The following METTL6 variants were observed in gnomAD, a reference collection of about 807,000 sequenced individuals.
METTL6 encodes methyltransferase 6, tRNA N3-cytidine.
METTL6 carries 22 observed loss-of-function variants against 26.4 expected under a neutral mutation model. That is an observed-to-expected ratio of 0.83 (90% CI 0.59 to 1.19). METTL6 has a LOEUF of 1.19. METTL6 is among the 50% of genes most tolerant of loss of function. METTL6 has a pLI of 0.00. For missense variants in METTL6, 304 were observed against 324.8 expected, an observed-to-expected ratio of 0.94 and a Z score of 0.49; for synonymous variants, 109 against 116.2, an observed-to-expected ratio of 0.94 and a Z score of 0.40.
chr3:15,426,762 AAAG>A (rs1575445551), intron 1 of METTL6, 127 bp from the exon 2 acceptor site: 4 of 526,010 alleles, frequency 7.6e-6, no homozygotes, highest in Non-Finnish European at 1.0e-5. Flanking sequence ...GAGAGGTCAC[AAAG>A]AAGACAAACA....
chr3:15,417,011 A>G (rs1559493813), intron 3 of METTL6, among the ~76,000 whole-genome samples: 1 of 152,214 alleles, frequency 6.6e-6, no homozygotes, highest in Non-Finnish European at 1.5e-5. Context: ...CAATTTTTAA[A>G]ATGATGAACA....
intron 3 of METTL6, among the ~76,000 whole-genome samples, chr3:15,418,923 C>T (rs1051196464): frequency 1.3e-5 from 2 of 152,078 alleles, no homozygotes; most frequent in African/African-American, 4.8e-5. Flanking sequence ...AATAGAACTT[C>T]AAAAGGAAAA....
At chr3:15,394,483 G>C (rs1233231219) in intron 6 of METTL6, among the ~76,000 whole-genome samples, 2 of 149,186 alleles carry the variant, frequency 1.3e-5, no homozygotes, top group African/African-American at 4.9e-5. Context: ...AGGGTTTTTT[G>C]TGTCTCTATT....
In METTL6 at chr3:15,413,566, T is replaced by C. The variant is rs1051545577; in HGVS notation, c.673+455A>G. The C allele has an allele frequency of 5.8e-6, 6 of 1,028,124 alleles. No individual in the cohort carries two copies. The African/African-American group carries it at 8.4e-5, about 14-fold the overall frequency. 63.7% of individuals were successfully genotyped at this position (1,028,124 alleles called of 1,614,324 possible). A position where few individuals can be genotyped will look rare whatever the true frequency, so the allele number is the denominator to read the frequency against. On this transcript the variant is annotated intron_variant, in intron 5 of 5. Transcript: ENST00000383790. The stretch of plus-strand genomic sequence containing the variant: ...CAGCCTGGGTGACAGAATTAGACTC[T>C]GTCTCAAAAACAACAAAAAAACCAA...
At chr3:15,399,620 G>A (rs1208370049) in intron 6 of METTL6, 1 of 151,510 alleles carries the variant, frequency 6.6e-6, no homozygotes, top group Non-Finnish European at 1.5e-5. Context: ...GGTAGTCCTA[G>A]AAGTGTTAGA....
chr3:15,407,185 A>G (rs1699826596), downstream of METTL6, among the ~76,000 whole-genome samples: 1 of 151,876 alleles, frequency 6.6e-6, no homozygotes, highest in Non-Finnish European at 1.5e-5. Context: ...ACGCCCAGCT[A>G]ATTTTTGTAT....
chr3:15,389,217 C>T (rs1373721715), intron 6 of METTL6, among the ~76,000 whole-genome samples: 2 of 151,722 alleles, frequency 1.3e-5, no homozygotes, highest in East Asian at 1.9e-4. Flanking sequence ...TGGTCTCGAA[C>T]TCCTGCCCTC....
At chr3:15,425,484 C>T (rs1051595054) in intron 2 of METTL6, among the ~76,000 whole-genome samples, 3 of 152,124 alleles carry the variant, frequency 2.0e-5, no homozygotes, top group Non-Finnish European at 4.4e-5. Flanking sequence ...AGAAAACAGC[C>T]ATGGTAAATA....
At chr3:15,423,163 A>AGGCGGGTGGATTACCTGAGGCCAG (rs1297433442) in intron 3 of METTL6, among the ~76,000 whole-genome samples, 1 of 152,206 alleles carries the variant, frequency 6.6e-6, no homozygotes, top group African/African-American at 2.4e-5. Context: ...TGGGAGGCCA[A>AGGCGGGTGGATTACCTGAGGCCAG]GGCGGGTGGA....
chr3:15,415,925 A>G lies in METTL6; in HGVS notation c.378T>C (p.Asp126=). 1 of 1,612,334 alleles carries G rather than the reference A, an allele frequency of 6.2e-7. No homozygotes were observed. Among genetic ancestry groups the G allele is most frequent in the Non-Finnish European group, 8.5e-7 (1 of 1,179,518 alleles). The stretch of plus-strand genomic sequence containing the variant: ...ACTGGAATACCTTGCATCTTTCTGT[A>G]TCATATAAAGGATTTTGCTACAGGG... The part of the protein sequence containing the change: ...IEYVKQNPLY[D]TERCKVFQCD... The change falls in exon 4 of 6, where the codon GAT becomes GAC. Residue 126 remains aspartate (D), a synonymous_variant. Coordinates refer to ENST00000383790, the MANE Select transcript of METTL6 (RefSeq NM_152396.4).
intron 3 of METTL6, among the ~76,000 whole-genome samples, chr3:15,422,556 T>C (rs2061631987): frequency 6.6e-6 from 1 of 151,728 alleles, no homozygotes; most frequent in African/African-American, 2.4e-5. Context: ...GCTCAGGAGT[T>C]TGAGGCTGCA....
intron 6 of METTL6, among the ~76,000 whole-genome samples, chr3:15,400,265 ACACCCTCTCTG>A (rs926782281): frequency 6.6e-6 from 1 of 151,008 alleles, no homozygotes; most frequent in African/African-American, 2.4e-5. Context: ...TACCCTCTCC[ACACCCTCTCTG>A]CACCCCCACC....
Position 15,410,024 on chromosome 3 carries a change from A to G in METTL6, c.*1232T>C, listed in dbSNP as rs1320673104. Reference sequence around the variant, plus strand: ...TGACAAGAATCTCTTTACGTGCTACAGGGTCCTTAGGCTTTTCTTTGTGGA... The same window carrying G: ...TGACAAGAATCTCTTTACGTGCTACGGGGTCCTTAGGCTTTTCTTTGTGGA... On this transcript the variant is annotated 3_prime_UTR_variant, in exon 6 of 6. Transcript: ENST00000383790. 2.0e-5 allele frequency among the ~76,000 whole-genome samples: 3 copies of G among 152,128 alleles called. No homozygotes were observed. The highest frequency in any genetic ancestry group is 4.4e-5 in the Non-Finnish European group (3 of 68,018).
At chr3:15,418,925 A>G (rs776741324) in intron 3 of METTL6, among the ~76,000 whole-genome samples, 46 of 152,154 alleles carry the variant, frequency 3.0e-4, no homozygotes, top group Non-Finnish European at 6.0e-4. Context: ...TAGAACTTCA[A>G]AAGGAAAAGA....
chr3:15,384,600 G>A, intron 6 of METTL6: 1 of 154,450 alleles, frequency 6.5e-6, no homozygotes, highest in Non-Finnish European at 1.4e-5. Flanking sequence ...TTAGTTGGGT[G>A]TGATGGCACA....
chr3:15,410,707 T>C lies in METTL6; in HGVS notation c.*549A>G, dbSNP rs1239644922. Among the ~76,000 whole-genome samples, 1 of 151,978 alleles carries C rather than the reference T, an allele frequency of 6.6e-6. No individual in the cohort carries two copies. Among genetic ancestry groups the C allele is most frequent in the Non-Finnish European group, 1.5e-5 (1 of 67,986 alleles). On this transcript the variant is annotated 3_prime_UTR_variant, in exon 6 of 6. Coordinates refer to ENST00000383790, the MANE Select transcript of METTL6 (RefSeq NM_152396.4). ...AAAGCGGGACTACTGTACATGCTCA[T>C]TAAAAAAAATTAAGGGCCAGGCATG...
rs367822381 is a variant in METTL6 at position 15,427,521 on chromosome 3, G to T, written c.-244C>A. On this transcript the variant is annotated 5_prime_UTR_variant, in exon 1 of 6. Transcript: ENST00000383790. ...CCGGGAGTTCTTTTGCCATGGCACC[G>T]CCCCCGCCACTTCCGCTAGGAACCC... 3.8e-6 allele frequency: 2 copies of T among 527,344 alleles called. No homozygotes were observed. The highest frequency in any genetic ancestry group is 6.8e-6 in the Non-Finnish European group (2 of 294,426). 32.7% of individuals were successfully genotyped at this position (527,344 alleles called of 1,614,324 possible). A position where few individuals can be genotyped will look rare whatever the true frequency, so the allele number is the denominator to read the frequency against.
At chr3:15,393,679 C>T (rs1699409751) in intron 6 of METTL6, among the ~76,000 whole-genome samples, 1 of 152,124 alleles carries the variant, frequency 6.6e-6, no homozygotes, top group African/African-American at 2.4e-5. Context: ...CCATCAGTAC[C>T]TAATTTATTG....
At chr3:15,421,872 ACTGCACT>A in intron 3 of METTL6, among the ~76,000 whole-genome samples, 1 of 152,346 alleles carries the variant, frequency 6.6e-6, no homozygotes, top group Non-Finnish European at 1.5e-5. Flanking sequence ...AGATCGTGCC[ACTGCACT>A]CCAGCCTGGG....
Sources: allele counts gnomAD v4.1 joint callset (sites outside exome capture counted in the v4.1 genomes callset), GRCh38; gene constraint gnomAD v4.1.1; transcripts MANE v1.5; gene names NCBI Gene and HGNC (gene_info 2026-07-23, HGNC 2026-07-21).